OVOL1: variants seen among roughly 807,000 people sequenced by gnomAD.
OVOL1 encodes putative transcription factor Ovo-like 1.
OVOL1 carries 10 observed loss-of-function variants against 21.5 expected under a neutral mutation model. The ratio of observed to expected loss-of-function variants is 0.46; its 90% CI spans 0.29 to 0.79. The LOEUF is 0.79. Ranked by LOEUF, OVOL1 falls within the 30% of genes least tolerant of loss-of-function variation. The pLI, the probability that OVOL1 is intolerant of heterozygous loss-of-function variation, is 0.10. For synonymous variants in OVOL1, 129 were observed against 150.3 expected (o/e 0.86, Z 1.03); for missense variants, 279 against 362.3 (o/e 0.77, Z 1.87).
intron 1 of OVOL1, among the ~76,000 whole-genome samples, chr11:65,792,901 A>G (rs1362382346): frequency 2.0e-5 from 3 of 152,194 alleles, no homozygotes; most frequent in African/African-American, 7.2e-5. Flanking sequence ...CCCAGGCCCA[A>G]GCCCGTTCTC....
rs1422093346 is a variant in OVOL1 at position 65,794,526 on chromosome 11, C to T, written c.319-12C>T. The T allele has an allele frequency of 2.5e-6, 4 of 1,609,608 alleles. No individual in the cohort carries two copies. Among genetic ancestry groups the T allele is most frequent in the Non-Finnish European group, 3.4e-6 (4 of 1,177,096 alleles). ...TCTGGATGTCTGTCAGCAATGCCGT[C>T]CTCACCCACAGGTGACCCTTGGGGA... On this transcript the variant is annotated splice_polypyrimidine_tract_variant and intron_variant, in intron 2 of 3. Coordinates refer to ENST00000335987, the MANE Select transcript of OVOL1 (RefSeq NM_004561.4).
chr11:65,794,577 T>C lies in OVOL1; in HGVS notation c.358T>C (p.Cys120Arg). ...CAGTCCCAGTGGAGACCTGTTCACC[T>C]GCCGTGTCTGCCAGAAGGCCTTCAC... ...GDSPSGDLFT[C>R]RVCQKAFTYQ... Residue 120 changes from cysteine (C) to arginine (R), a missense_variant, in exon 3 of 4, where the codon TGC becomes CGC. Coordinates refer to ENST00000335987, the MANE Select transcript of OVOL1 (RefSeq NM_004561.4). The C allele has an allele frequency of 6.2e-7, 1 of 1,613,440 alleles. No individual in the cohort carries two copies. Among genetic ancestry groups the C allele is most frequent in the Non-Finnish European group, 8.5e-7 (1 of 1,180,024 alleles).
chr11:65,787,454 C>T lies in OVOL1; in HGVS notation c.81C>T (p.Arg27=), dbSNP rs750372897. 3.2e-6 allele frequency: 5 copies of T among 1,572,286 alleles called. No homozygotes were observed. The South Asian group carries it at 5.7e-5, about 18-fold the overall frequency. The change falls in exon 1 of 4, where the codon CGC becomes CGT. Residue 27 remains arginine, a synonymous_variant. Coordinates refer to ENST00000335987, the MANE Select transcript of OVOL1 (RefSeq NM_004561.4). The part of the protein sequence containing the change: ...RNWSELPDEE[R]GEIYVPVSLG... ...GGAGCGAGCTCCCCGACGAGGAGCG[C>T]GGCGAGATCTACGTGCCAGGTGAGG...
At chr11:65,792,730 C>T (rs949286975) in intron 1 of OVOL1, among the ~76,000 whole-genome samples, 7 of 152,238 alleles carry the variant, frequency 4.6e-5, no homozygotes, top group African/African-American at 1.7e-4. Context: ...CGGGTGCATT[C>T]TTCTCTCTCA....
chr11:65,788,350 C>T (rs1055900193), intron 1 of OVOL1: 3 of 452,666 alleles, frequency 6.6e-6, no homozygotes, highest in Admixed American at 1.3e-4. Context: ...CCTACCCCTT[C>T]TGTCCTCCCC....
chr11:65,792,903 C>T (rs1858050853), intron 1 of OVOL1, among the ~76,000 whole-genome samples: 1 of 152,266 alleles, frequency 6.6e-6, no homozygotes, highest in Admixed American at 6.5e-5. Context: ...CAGGCCCAAG[C>T]CCGTTCTCTG....
intron 1 of OVOL1, chr11:65,789,150 G>T: frequency 3.7e-6 from 3 of 806,598 alleles, no homozygotes; most frequent in Non-Finnish European, 3.0e-6. Flanking sequence ...TTTTTACAAA[G>T]GACAAAGAAA....
Position 65,794,400 on chromosome 11 carries a change from G to A in OVOL1, c.319-138G>A. ...GAGGAGTGCCGATCTCCGGGCAGAC[G>A]GCACAGAGCTGTGGTCTCTGGGAGG... On this transcript the variant is annotated intron_variant, in intron 2 of 3. Coordinates refer to ENST00000335987, the MANE Select transcript of OVOL1 (RefSeq NM_004561.4). The A allele has an allele frequency of 6.5e-6, 7 of 1,078,332 alleles. No homozygotes were observed. In the South Asian group the frequency reaches 7.3e-5, roughly 11 times the overall value. 66.8% of individuals were successfully genotyped at this position (1,078,332 alleles called of 1,614,324 possible).
chr11:65,794,261 G>A lies in OVOL1; in HGVS notation c.318+13G>A, dbSNP rs12226258. Reference sequence around the variant, plus strand: ...CACCAAGATGAAGGTAATGCCACTCGCGCTGTCTCCGAGGGCCGGGGGCGT... The same window carrying A: ...CACCAAGATGAAGGTAATGCCACTCACGCTGTCTCCGAGGGCCGGGGGCGT... On this transcript the variant is annotated intron_variant, in intron 2 of 3. Coordinates refer to ENST00000335987, the MANE Select transcript of OVOL1 (RefSeq NM_004561.4). 3.1e-5 allele frequency: 50 copies of A among 1,607,904 alleles called. No individual in the cohort carries two copies. Among genetic ancestry groups the A allele is most frequent in the African/African-American group, 1.9e-4 (14 of 74,822 alleles).
intron 1 of OVOL1, chr11:65,792,313 T>A (rs1033600096): frequency 6.6e-6 from 1 of 152,298 alleles, no homozygotes. Context: ...CCTGCTGTGG[T>A]GCAGCTGGGG....
intron 1 of OVOL1, among the ~76,000 whole-genome samples, chr11:65,791,286 G>A (rs1160438643): frequency 1.3e-5 from 2 of 152,180 alleles, no homozygotes; most frequent in African/African-American, 2.4e-5. Flanking sequence ...GGGCACGGGG[G>A]GCACCAGCCC....
In OVOL1 at chr11:65,795,175, AC is replaced by A. The variant is rs1341262559; in HGVS notation, c.639del (p.Tyr213Ter). On this transcript the variant is annotated frameshift_variant, in exon 4 of 4. Coordinates refer to ENST00000335987, the MANE Select transcript of OVOL1 (RefSeq NM_004561.4). LOFTEE classifies it high-confidence loss of function. This position sits in a 1 kb window ranked among gnomAD's most constrained non-coding sequence, Gnocchi z 5.7. ...TACAAGGAGCGGCGGGCCAAGCTGT[AC>A]GTGTGTGAGGAGTGCGGCTGCACAT... ...YAYKERRAKL[Y>X]VCEECGCTSE... is the part of the protein sequence containing the mutation. The A allele has an allele frequency of 6.2e-7, 1 of 1,612,950 alleles. No individual in the cohort carries two copies. The highest frequency in any genetic ancestry group is 8.5e-7 in the Non-Finnish European group (1 of 1,179,990).
rs148705620 is a variant in OVOL1, at chr11:65,794,581, G to C, written c.362G>C (p.Arg121Pro). 2 of 1,613,494 alleles carry C rather than the reference G, an allele frequency of 1.2e-6. No individual in the cohort carries two copies. The highest frequency in any genetic ancestry group is 1.7e-6 in the Non-Finnish European group (2 of 1,180,046). ...CCCAGTGGAGACCTGTTCACCTGCC[G>C]TGTCTGCCAGAAGGCCTTCACCTAC... ...DSPSGDLFTC[R>P]VCQKAFTYQR... The change falls in exon 3 of 4, where the codon CGT (arginine) becomes CCT (proline). Residue 121 changes from arginine to proline, a missense_variant. Arg to Pro is a moderately radical substitution (Grantham distance 103, BLOSUM62 -2). Coordinates refer to ENST00000335987, the MANE Select transcript of OVOL1 (RefSeq NM_004561.4).
chr11:65,794,414 G>A, intron 2 of OVOL1, 124 bp from the exon 3 acceptor site: 1 of 1,111,370 alleles, frequency 9.0e-7, no homozygotes, highest in Non-Finnish European at 1.3e-6. Flanking sequence ...CAGAGCTGTG[G>A]TCTCTGGGAG....
chr11:65,795,271 C>T lies in OVOL1; in HGVS notation c.734C>T (p.Thr245Ile). 1 of 1,613,468 alleles carries T rather than the reference C, an allele frequency of 6.2e-7. No individual in the cohort carries two copies. Among genetic ancestry groups the T allele is most frequent in the Non-Finnish European group, 8.5e-7 (1 of 1,179,964 alleles). ...HHPDSPLLRKTSKKVAVALQN... is the reference protein window; with the variant it reads ...HHPDSPLLRKISKKVAVALQN... ...CCTGACAGCCCGCTGCTGCGCAAGA[C>T]CTCCAAGAAGGTGGCCGTGGCACTA... The change falls in exon 4 of 4, where the codon ACC becomes ATC. Residue 245 changes from threonine to isoleucine, a missense_variant. Physicochemically the swap from Thr to Ile is moderately conservative, Grantham distance 89. Transcript: ENST00000335987. The surrounding 1 kb of genome is among the most constrained non-coding windows in gnomAD (Gnocchi z 5.7).
intron 1 of OVOL1, among the ~76,000 whole-genome samples, chr11:65,793,152 G>A (rs527686209): frequency 7.9e-4 from 120 of 152,338 alleles, no homozygotes; most frequent in African/African-American, 2.8e-3. Flanking sequence ...AGAATTGCCT[G>A]TCTGTGTCCC....
chr11:65,788,825 C>T, intron 1 of OVOL1: 1 of 985,482 alleles, frequency 1.0e-6, no homozygotes, highest in Non-Finnish European at 1.2e-6. Flanking sequence ...AGTGAGTGGC[C>T]TCCCCACCTG....
chr11:65,794,795 C>A, intron 3 of OVOL1, 68 bp downstream of exon 3: 2 of 1,480,954 alleles, frequency 1.4e-6, no homozygotes, highest in South Asian at 1.1e-5. Context: ...CGGGAAAAGT[C>A]CAGCACCCCC....
intron 1 of OVOL1, chr11:65,789,928 G>A (rs1857976653): frequency 6.6e-6 from 1 of 152,646 alleles, no homozygotes; most frequent in African/African-American, 2.4e-5. Flanking sequence ...GAATTCTAGA[G>A]CTTCTTACTC....
Sources: gnomAD v4.1 joint callset for allele counts (sites outside exome capture counted in the v4.1 genomes callset) on GRCh38, gnomAD v4.1.1 for gene constraint, Gnocchi (gnomAD v3.1) non-coding constraint, MANE v1.5 for transcripts, NCBI Gene and HGNC (gene_info 2026-07-23, HGNC 2026-07-21) for gene names.